The following ACOT13 variants were observed in gnomAD, a reference collection of about 807,000 sequenced individuals.
ACOT13 encodes the protein acyl-CoA thioesterase 13, also known as acyl-coenzyme A thioesterase 13.
A neutral mutation model predicts 11.8 loss-of-function variants in ACOT13; 10 were observed. The ratio of observed to expected loss-of-function variants is 0.85; its 90% CI spans 0.53 to 1.44. The LOEUF is 1.44. Ranked by LOEUF, ACOT13 falls within the 40% of genes most tolerant of loss-of-function variation. The pLI, the probability that ACOT13 is intolerant of heterozygous loss-of-function variation, is 0.00. For missense variants in ACOT13, 172 were observed against 174.1 expected (o/e 0.99, Z 0.07); for synonymous variants, 53 against 61.0 (o/e 0.87, Z 0.61).
At chr6:24,669,813 C>T (rs1305704293) in intron 1 of ACOT13, among the ~76,000 whole-genome samples, 1 of 152,172 alleles carries the variant, frequency 6.6e-6, no homozygotes, top group Non-Finnish European at 1.5e-5. Flanking sequence ...GAAGTCCATA[C>T]ATCAGTAGGC....
chr6:24,687,341 G>A, intron 1 of ACOT13: 3 of 844,190 alleles, frequency 3.6e-6, no homozygotes, highest in Non-Finnish European at 3.0e-6. Flanking sequence ...TAGTTCTGCA[G>A]TAAATAAATA....
Position 24,687,551 on chromosome 6 carries a change from G to C in ACOT13, c.82-10332G>C, listed in dbSNP as rs549058601. Reference sequence around the variant, plus strand: ...AGTGTAAAGTCATCTTTATGGAAATGAGTGATGAAGGTGAATACCTGAATG... The same window carrying C: ...AGTGTAAAGTCATCTTTATGGAAATCAGTGATGAAGGTGAATACCTGAATG... On this transcript the variant is annotated intron_variant, in intron 1 of 2. Transcript: ENST00000230048. 1.8e-5 allele frequency: 25 copies of C among 1,417,192 alleles called. No individual in the cohort carries two copies. In the African/African-American group the frequency reaches 3.5e-4, roughly 20 times the overall value. 87.8% of individuals were successfully genotyped at this position (1,417,192 alleles called of 1,614,324 possible).
In ACOT13 at chr6:24,667,138, C is replaced by T; in HGVS notation, c.-126C>T. ...GCCTGACTCCCGGCCTCTTGCGCTCCTAGGGGCGGAGAAGGGTGCGGGCTC... is the reference window on the plus strand; with the variant it reads ...GCCTGACTCCCGGCCTCTTGCGCTCTTAGGGGCGGAGAAGGGTGCGGGCTC... On this transcript the variant is annotated 5_prime_UTR_variant, in exon 1 of 3. Transcript: ENST00000230048. The T allele has an allele frequency of 9.5e-7, 1 of 1,049,198 alleles. No individual in the cohort carries two copies. Among genetic ancestry groups the T allele is most frequent in the East Asian group, 2.6e-5 (1 of 38,566 alleles). 65.0% of individuals were successfully genotyped at this position (1,049,198 alleles called of 1,614,324 possible).
rs1778772858 is a variant in ACOT13 at position 24,695,034 on chromosome 6, C to T, written c.82-2849C>T. ...GCCTTAAAATACACTTAAACTGAGG[C>T]GCGGTGGCTCATGCCTGTAATCCCA... On this transcript the variant is annotated intron_variant, in intron 1 of 2. Transcript: ENST00000230048. Among the ~76,000 whole-genome samples the T allele has an allele frequency of 2.6e-5, 4 of 152,070 alleles. 1 individual carries two copies. In the South Asian group the frequency reaches 6.2e-4, roughly 24 times the overall value.
chr6:24,670,820 G>C (rs1028939867), intron 1 of ACOT13, among the ~76,000 whole-genome samples: 3 of 152,136 alleles, frequency 2.0e-5, no homozygotes, highest in Admixed American at 6.5e-5. Flanking sequence ...AAGTCAAAAA[G>C]ATTAGTTCAG....
At position 24,698,021 on chromosome 6, in the gene ACOT13, T is replaced by C. The variant is rs1778826372; in HGVS notation, c.220T>C (p.Cys74Arg). Residue 74 changes from cysteine to arginine, a missense_variant, in exon 2 of 3, where the codon TGC (cysteine) becomes CGC (arginine). Coordinates refer to ENST00000230048, the MANE Select transcript of ACOT13 (RefSeq NM_018473.4). ...TAACATATCAACAATGGCTCTGCTA[T>C]GCACGGAAAGGGGAGCACCCGGAGT... ...VDNISTMALL[C>R]TERGAPGVSV... is the part of the protein sequence containing the mutation. 3 of 1,612,858 alleles carry C rather than the reference T, an allele frequency of 1.9e-6. No individual in the cohort carries two copies. Among genetic ancestry groups the C allele is most frequent in the South Asian group, 1.1e-5 (1 of 90,736 alleles).
At chr6:24,688,841 C>T (rs1010293401) in intron 1 of ACOT13, among the ~76,000 whole-genome samples, 5 of 152,182 alleles carry the variant, frequency 3.3e-5, no homozygotes, top group Middle Eastern at 6.8e-3. Flanking sequence ...CAAAATACAA[C>T]GGTCTGGAAT....
chr6:24,673,569 C>A (rs185743914), intron 1 of ACOT13, among the ~76,000 whole-genome samples: 1 of 152,244 alleles, frequency 6.6e-6, no homozygotes, highest in African/African-American at 2.4e-5. Context: ...CTACGTTGGC[C>A]GGGCTAGTCT....
rs934636538 is a variant in ACOT13, at chr6:24,697,927, G to C, written c.126G>C (p.Met42Ile). The C allele has an allele frequency of 7.4e-6, 12 of 1,612,688 alleles. No individual in the cohort carries two copies. The South Asian group carries it at 8.8e-5, about 12-fold the overall frequency. ...CTCCTGGGAAAGTGATTTGTGAAAT[G>C]AAAGTAGAAGAAGAGCATACCAATG... The part of the protein sequence containing the change: ...SAAPGKVICE[M>I]KVEEEHTNAI... The change falls in exon 2 of 3, where the codon ATG becomes ATC. Residue 42 changes from methionine (M) to isoleucine (I), a missense_variant. Met to Ile is a conservative substitution (Grantham distance 10). Transcript: ENST00000230048.
At chr6:24,677,004 G>A (rs992469262) in intron 1 of ACOT13, among the ~76,000 whole-genome samples, 2 of 152,172 alleles carry the variant, frequency 1.3e-5, no homozygotes, top group African/African-American at 2.4e-5. Flanking sequence ...TCTAGTGCCC[G>A]AGTGAGGGCT....
chr6:24,691,043 G>A (rs1778711843), intron 1 of ACOT13, among the ~76,000 whole-genome samples: 3 of 151,954 alleles, frequency 2.0e-5, no homozygotes, highest in Non-Finnish European at 2.9e-5. Flanking sequence ...TTTTTCCTTG[G>A]GAGCCAAGTC....
chr6:24,687,774 G>C, intron 1 of ACOT13: 1 of 1,350,600 alleles, frequency 7.4e-7, no homozygotes, highest in Admixed American at 2.9e-5. Context: ...ACAATGGTAC[G>C]ATCTTGGCTC....
At chr6:24,676,034 A>C (rs1185818670) in intron 1 of ACOT13, among the ~76,000 whole-genome samples, 1 of 151,970 alleles carries the variant, frequency 6.6e-6, no homozygotes, top group Non-Finnish European at 1.5e-5. Context: ...AGATGGTTGT[A>C]GATGTGTGGT....
chr6:24,672,518 A>G (rs1778381104), intron 1 of ACOT13, among the ~76,000 whole-genome samples: 1 of 152,202 alleles, frequency 6.6e-6, no homozygotes, highest in African/African-American at 2.4e-5. Context: ...ACGCGTCTGT[A>G]GTCCCAGCTA....
chr6:24,670,441 AGGGACTTT>A (rs1778342118), intron 1 of ACOT13, among the ~76,000 whole-genome samples: 2 of 152,224 alleles, frequency 1.3e-5, no homozygotes, highest in African/African-American at 4.8e-5. Flanking sequence ...AACCCTGTAC[AGGGACTTT>A]GTAAAGTGTG....
chr6:24,685,002 C>A (rs1176140442), intron 1 of ACOT13, among the ~76,000 whole-genome samples: 1 of 152,114 alleles, frequency 6.6e-6, no homozygotes, highest in Non-Finnish European at 1.5e-5. Flanking sequence ...CAAAGTGAGA[C>A]CCTGTCTCTA....
At position 24,667,113 on chromosome 6, in the gene ACOT13, G is replaced by C. The variant is rs777928755; in HGVS notation, c.-151G>C. ...CGCGGACCACCGGGGCTGCCAGCTC[G>C]CCTGACTCCCGGCCTCTTGCGCTCC... On this transcript the variant is annotated 5_prime_UTR_variant, in exon 1 of 3. Coordinates refer to ENST00000230048, the MANE Select transcript of ACOT13 (RefSeq NM_018473.4). 5.8e-5 allele frequency: 51 copies of C among 886,724 alleles called. 1 individual carries two copies. Among genetic ancestry groups the C allele is most frequent in the Non-Finnish European group, 8.0e-5 (47 of 587,618 alleles). The allele number at this position is 886,724 out of a possible 1,614,324, so 54.9% of individuals were successfully genotyped here. A position where few individuals can be genotyped will look rare whatever the true frequency, so the allele number is the denominator to read the frequency against.
chr6:24,695,784 AG>A (rs1239594823), intron 1 of ACOT13, among the ~76,000 whole-genome samples: 5 of 152,174 alleles, frequency 3.3e-5, no homozygotes, highest in Non-Finnish European at 7.4e-5. Flanking sequence ...AGACGATCAT[AG>A]GCCAGGCGCG....
intron 1 of ACOT13, among the ~76,000 whole-genome samples, chr6:24,683,225 G>C (rs1029152038): frequency 6.6e-6 from 1 of 152,204 alleles, no homozygotes; most frequent in African/African-American, 2.4e-5. Context: ...ATTTGAGACA[G>C]GTCTCAGTTA....
Sources: allele counts gnomAD v4.1 joint callset (sites outside exome capture counted in the v4.1 genomes callset), GRCh38; gene constraint gnomAD v4.1.1; transcripts MANE v1.5; gene names NCBI Gene and HGNC (gene_info 2026-07-23, HGNC 2026-07-21).